MLN: variants seen among roughly 807,000 people sequenced by gnomAD.
MLN encodes the protein promotilin.
MLN carries 14 observed loss-of-function variants against 13.3 expected under a neutral mutation model. The observed-to-expected ratio is 1.05, with a 90% CI of 0.69 to 1.64. MLN has a LOEUF of 1.64. MLN is among the 40% of genes most tolerant of loss of function. MLN has a pLI of 0.00. For missense variants in MLN, 122 were observed against 142.9 expected (o/e 0.85, Z 0.75); for synonymous variants, 59 against 54.7 (o/e 1.08, Z -0.34).
At chr6:33,795,665 G>A (rs1331640185) in intron 3 of MLN, 60 bp from the exon 4 acceptor site, 1 of 1,424,840 alleles carries the variant, frequency 7.0e-7, no homozygotes, top group Non-Finnish European at 9.7e-7. Flanking sequence ...TAACCCCTGG[G>A]TGCACTACAG....
At position 33,798,956 on chromosome 6, in the gene MLN, A is replaced by T. The variant is rs570894392; in HGVS notation, c.234+149T>A. Reference sequence around the variant, plus strand: ...CTGGAGTCCGTCTCTCCCTACGAGGATGGAGCTCATTGCCTGGATGTCTTG... The same window carrying T: ...CTGGAGTCCGTCTCTCCCTACGAGGTTGGAGCTCATTGCCTGGATGTCTTG... On this transcript the variant is annotated intron_variant, in intron 3 of 4. Coordinates refer to ENST00000430124, the MANE Select transcript of MLN (RefSeq NM_002418.3). The T allele has an allele frequency of 2.6e-3, 1,421 of 551,428 alleles. 36 individuals are homozygous for T. The highest frequency in any genetic ancestry group is 2.3e-3 in the South Asian group (74 of 32,512). 34.2% of individuals were successfully genotyped at this position (551,428 alleles called of 1,614,324 possible).
At chr6:33,798,593 G>A (rs1767976312) in intron 3 of MLN, among the ~76,000 whole-genome samples, 1 of 152,202 alleles carries the variant, frequency 6.6e-6, no homozygotes, top group Non-Finnish European at 1.5e-5. Flanking sequence ...GAGGGCTCCG[G>A]TGGCTTCCCT....
At chr6:33,800,766 G>A (rs1582277897) in intron 2 of MLN, among the ~76,000 whole-genome samples, 1 of 152,260 alleles carries the variant, frequency 6.6e-6, no homozygotes, top group Non-Finnish European at 1.5e-5. Flanking sequence ...CGGGCTCATC[G>A]CCCAGGGTGG....
Position 33,799,326 on chromosome 6 carries a change from C to T in MLN, c.118-105G>A. Reference sequence around the variant, plus strand: ...CAGGGTGCTGTCTGCCCTGAGCTCCCTACAGACTGAAAGAACCCTTTCCTC... The same window carrying T: ...CAGGGTGCTGTCTGCCCTGAGCTCCTTACAGACTGAAAGAACCCTTTCCTC... On this transcript the variant is annotated intron_variant, in intron 2 of 4. Coordinates refer to ENST00000430124, the MANE Select transcript of MLN (RefSeq NM_002418.3). The surrounding 1 kb of genome is among the most constrained non-coding windows in gnomAD (Gnocchi z 4.6). 1.4e-6 allele frequency: 1 copy of T among 709,386 alleles called. No homozygotes were observed. Among genetic ancestry groups the T allele is most frequent in the Non-Finnish European group, 2.4e-6 (1 of 418,064 alleles). 43.9% of individuals were successfully genotyped at this position (709,386 alleles called of 1,614,324 possible).
chr6:33,799,156 A>G lies in MLN; in HGVS notation c.183T>C (p.Gly61=), dbSNP rs1767990535. 2 of 1,612,756 alleles carry G rather than the reference A, an allele frequency of 1.2e-6. No homozygotes were observed. The highest frequency in any genetic ancestry group is 1.3e-5 in the African/African-American group (1 of 74,992). ...LSVWQRSGEE[G]PVDPAEPIRE... is the part of the protein sequence containing the mutation. ...TGATGGGCTCCGCAGGGTCTACAGG[A>G]CCTTCCTCCCCAGACCTCTGCCATA... is the stretch of plus-strand genomic sequence containing the variant. The change falls in exon 3 of 5, where the codon GGT becomes GGC. Residue 61 remains glycine (G), a synonymous_variant. Coordinates refer to ENST00000430124, the MANE Select transcript of MLN (RefSeq NM_002418.3). This position sits in a 1 kb window ranked among gnomAD's most constrained non-coding sequence, Gnocchi z 4.6.
At chr6:33,802,438 G>A (rs991390163) in intron 1 of MLN, among the ~76,000 whole-genome samples, 7 of 152,114 alleles carry the variant, frequency 4.6e-5, no homozygotes, top group Non-Finnish European at 8.8e-5. Flanking sequence ...AAGGCCTCGG[G>A]GCTTCTCTGC....
rs7743737 is a variant in MLN, at chr6:33,796,884, A to G, written c.235-1279T>C. ...GCCTCCCCAAGAAGGCTTCATGGAC[A>G]TACAATGTCCCCGGGCAACCTTGGA... is the stretch of plus-strand genomic sequence containing the variant. On this transcript the variant is annotated intron_variant, in intron 3 of 4. Transcript: ENST00000430124. 3.3e-3 allele frequency among the ~76,000 whole-genome samples: 504 copies of G among 152,342 alleles called. 3 individuals are homozygous for G. The highest frequency in any genetic ancestry group is 0.011 in the African/African-American group (473 of 41,578).
At position 33,799,234 on chromosome 6, in the gene MLN, C is replaced by T; in HGVS notation, c.118-13G>A. 1 of 1,597,368 alleles carries T rather than the reference C, an allele frequency of 6.3e-7. No individual in the cohort carries two copies. Among genetic ancestry groups the T allele is most frequent in the Non-Finnish European group, 8.6e-7 (1 of 1,166,196 alleles). On this transcript the variant is annotated splice_polypyrimidine_tract_variant and intron_variant, in intron 2 of 4. Coordinates refer to ENST00000430124, the MANE Select transcript of MLN (RefSeq NM_002418.3). The surrounding 1 kb of genome is among the most constrained non-coding windows in gnomAD (Gnocchi z 4.6). ...TCCGTTCCTTTTCCTAGGGGCAGAA[C>T]AGAAAATTGCACAAAACCGCCCTCC...
At position 33,799,220 on chromosome 6, in the gene MLN, T is replaced by C. The variant is rs745984051; in HGVS notation, c.119A>G (p.Glu40Gly). ...CTTTTGCCCTTTATTCCGTTCCTTTTCCTAGGGGCAGAACAGAAAATTGCA... is the reference window on the plus strand; with the variant it reads ...CTTTTGCCCTTTATTCCGTTCCTTTCCCTAGGGGCAGAACAGAAAATTGCA... ...FTYGELQRMQEKERNKGQKKS... is the reference protein window; with the variant it reads ...FTYGELQRMQGKERNKGQKKS... The change falls in exon 3 of 5, where the codon GAA (glutamate) becomes GGA (glycine). Residue 40 changes from glutamate (E) to glycine (G), a missense_variant and splice_region_variant. Physicochemically the swap from Glu to Gly is moderately conservative, Grantham distance 98. Coordinates refer to ENST00000430124, the MANE Select transcript of MLN (RefSeq NM_002418.3). The surrounding 1 kb of genome is among the most constrained non-coding windows in gnomAD (Gnocchi z 4.6). 1 of 1,608,750 alleles carries C rather than the reference T, an allele frequency of 6.2e-7. No individual in the cohort carries two copies. Among genetic ancestry groups the C allele is most frequent in the South Asian group, 1.1e-5 (1 of 90,706 alleles).
At chr6:33,796,926 C>G (rs558521921) in intron 3 of MLN, among the ~76,000 whole-genome samples, 2 of 152,218 alleles carry the variant, frequency 1.3e-5, no homozygotes, top group East Asian at 3.9e-4. Flanking sequence ...GCCTCAAACT[C>G]CGACTCAGCT....
chr6:33,803,500 G>T lies in MLN; in HGVS notation c.-8+453C>A, dbSNP rs1242275802. 1.9e-4 allele frequency among the ~76,000 whole-genome samples: 29 copies of T among 152,074 alleles called. No homozygotes were observed. Among genetic ancestry groups the T allele is most frequent in the Non-Finnish European group, 1.0e-4 (7 of 67,998 alleles). On this transcript the variant is annotated intron_variant, in intron 1 of 4. Coordinates refer to ENST00000430124, the MANE Select transcript of MLN (RefSeq NM_002418.3). This position sits in a 1 kb window ranked among gnomAD's most constrained non-coding sequence, Gnocchi z 4.5. ...TTTTTGTATTTTTAGTAGAGACAGG[G>T]TGTCACCATATTGGCCTGGCTGGTC... is the stretch of plus-strand genomic sequence containing the variant.
In MLN at chr6:33,795,497, C is replaced by A. The variant is rs1228750929; in HGVS notation, c.337+6G>T. The A allele has an allele frequency of 1.3e-6, 2 of 1,557,024 alleles. No homozygotes were observed. Among genetic ancestry groups the A allele is most frequent in the East Asian group, 4.8e-5 (2 of 42,002 alleles). ...CAAGCCACAGAGATGCCCGCCCTCC[C>A]CGTACCATGCTGGGGAAGCATCTCA... On this transcript the variant is annotated splice_donor_region_variant and intron_variant, in intron 4 of 4. Transcript: ENST00000430124.
At chr6:33,802,587 TCCAGCTCTCTCTTCTTC>T (rs1168388695) in intron 1 of MLN, among the ~76,000 whole-genome samples, 4 of 152,184 alleles carry the variant, frequency 2.6e-5, no homozygotes, top group Non-Finnish European at 4.4e-5. Flanking sequence ...TTCTTGCTAT[TCCAGCTCTCTCTTCTTC>T]CCACTTCCTA....
Position 33,799,020 on chromosome 6 carries a change from G to T in MLN, c.234+85C>A. On this transcript the variant is annotated intron_variant, in intron 3 of 4. Coordinates refer to ENST00000430124, the MANE Select transcript of MLN (RefSeq NM_002418.3). This position sits in a 1 kb window ranked among gnomAD's most constrained non-coding sequence, Gnocchi z 4.6. ...CCTAGGACACTCTGAGGCTCACTGTGGCTTGTGGGCTCTGCCTCCAGGCCA... is the reference window on the plus strand; with the variant it reads ...CCTAGGACACTCTGAGGCTCACTGTTGCTTGTGGGCTCTGCCTCCAGGCCA... 1 of 911,042 alleles carries T rather than the reference G, an allele frequency of 1.1e-6. No individual in the cohort carries two copies. The highest frequency in any genetic ancestry group is 1.8e-6 in the Non-Finnish European group (1 of 570,478). 56.4% of individuals were successfully genotyped at this position (911,042 alleles called of 1,614,324 possible). A position where few individuals can be genotyped will look rare whatever the true frequency, so the allele number is the denominator to read the frequency against.
intron 3 of MLN, among the ~76,000 whole-genome samples, chr6:33,795,931 C>G (rs1470115329): frequency 1.3e-5 from 2 of 150,792 alleles, no homozygotes; most frequent in Non-Finnish European, 3.0e-5. Flanking sequence ...TTATAGCCAA[C>G]ATTGTGGAGT....
chr6:33,794,754 G>A lies in MLN; in HGVS notation c.*71C>T. The stretch of plus-strand genomic sequence containing the variant: ...CTTCCAAGCCCAGCTGGCAGGCTCT[G>A]TAAATTCCCAGGGCCTCACTTGGGC... On this transcript the variant is annotated 3_prime_UTR_variant, in exon 5 of 5. Transcript: ENST00000430124. 1 of 1,585,214 alleles carries A rather than the reference G, an allele frequency of 6.3e-7. No individual in the cohort carries two copies. The highest frequency in any genetic ancestry group is 8.6e-7 in the Non-Finnish European group (1 of 1,163,108).
chr6:33,800,174 C>A (rs1260684048), intron 2 of MLN, among the ~76,000 whole-genome samples: 1 of 152,212 alleles, frequency 6.6e-6, no homozygotes, highest in Non-Finnish European at 1.5e-5. Flanking sequence ...CCCAGAGCCT[C>A]GAGACCTCCC....
rs145937987 is a variant in MLN, at chr6:33,797,624, T to C, written c.234+1481A>G. Among the ~76,000 whole-genome samples the C allele has an allele frequency of 6.1e-4, 93 of 152,338 alleles. 1 individual carries two copies. The East Asian group carries it at 0.018, about 29-fold the overall frequency. On this transcript the variant is annotated intron_variant, in intron 3 of 4. Transcript: ENST00000430124. ...CCTATATCCATTCTTTAGCAAATCC[T>C]GTGGGCTTCTACCTCCAAAATATTT... is the stretch of plus-strand genomic sequence containing the variant.
chr6:33,801,328 G>T (rs1768043681), intron 1 of MLN, among the ~76,000 whole-genome samples, 158 bp from the exon 2 acceptor site: 1 of 152,244 alleles, frequency 6.6e-6, no homozygotes, highest in Admixed American at 6.5e-5. Context: ...TGGTATCAGA[G>T]CTTGAGCAGA....
Sources: allele counts gnomAD v4.1 joint callset (sites outside exome capture counted in the v4.1 genomes callset), GRCh38; gene constraint gnomAD v4.1.1; non-coding constraint Gnocchi (gnomAD v3.1); transcripts MANE v1.5; gene names NCBI Gene and HGNC (gene_info 2026-07-23, HGNC 2026-07-21).